The following SEMA5A variants were observed in gnomAD, a reference collection of about 807,000 sequenced individuals.
The protein encoded by SEMA5A is semaphorin-5A.
Under a neutral mutation model 135.5 loss-of-function variants are expected in SEMA5A, and 55 were observed. That is an observed-to-expected ratio of 0.41 (90% confidence interval 0.33 to 0.51). The LOEUF is 0.51. Ranked by LOEUF, SEMA5A falls within the 20% of genes least tolerant of loss-of-function variation. SEMA5A has a pLI of 0.37. For synonymous variants in SEMA5A, 580 were observed against 546.5 expected, an observed-to-expected ratio of 1.06 and a Z score of -0.85; for missense variants, 1,290 against 1,419.9, an observed-to-expected ratio of 0.91 and a Z score of 1.47.
intron 8 of SEMA5A, among the ~76,000 whole-genome samples, chr5:9,207,134 A>ATATATATATATG (rs1491507145): frequency 7.2e-6 from 1 of 139,704 alleles, no homozygotes; most frequent in Non-Finnish European, 1.6e-5. Context: ...ATATATATAT[A>ATATATATATATG]AAGCTTAAAG....
intron 1 of SEMA5A, among the ~76,000 whole-genome samples, chr5:9,443,796 C>T (rs573222411): frequency 1.2e-4 from 18 of 152,384 alleles, no homozygotes; most frequent in Admixed American, 2.6e-4. Flanking sequence ...ACTGGCAGAA[C>T]GTCTGCTGCC....
At position 9,054,251 on chromosome 5, in the gene SEMA5A, C is replaced by T; in HGVS notation, c.2525G>A (p.Gly842Asp). ...CCAGGGGGACCAGCAAGACCACACGCCATCCACTGTGAAGAAACACAATGT... is the reference window on the plus strand; with the variant it reads ...CCAGGGGGACCAGCAAGACCACACGTCATCCACTGTGAAGAAACACAATGT... ...ECNILPCPVDGVWSCWSPWTK... is the reference protein window; with the variant it reads ...ECNILPCPVDDVWSCWSPWTK... The change falls in exon 19 of 23, where the codon GGC (glycine) becomes GAC (aspartate). Residue 842 changes from glycine (G) to aspartate (D), a missense_variant. This residue lies in a region of SEMA5A where 1,029 missense variants were observed against 1,086.6 expected (regional missense o/e 0.95). Transcript: ENST00000382496. The T allele has an allele frequency of 6.2e-7, 1 of 1,612,520 alleles. No homozygotes were observed. The highest frequency in any genetic ancestry group is 1.1e-5 in the South Asian group (1 of 90,782).
intron 2 of SEMA5A, among the ~76,000 whole-genome samples, chr5:9,403,872 T>C (rs1158651223): frequency 6.6e-6 from 1 of 152,186 alleles, no homozygotes; most frequent in Non-Finnish European, 1.5e-5. Context: ...ATATAGAGTG[T>C]TTACATCCAA....
intron 1 of SEMA5A, among the ~76,000 whole-genome samples, chr5:9,525,407 C>G (rs1020466740): frequency 6.6e-6 from 1 of 152,176 alleles, no homozygotes; most frequent in Non-Finnish European, 1.5e-5. Context: ...CTAGTGTGTC[C>G]ATCTGAGACT....
intron 2 of SEMA5A, among the ~76,000 whole-genome samples, chr5:9,427,648 T>A (rs942949904): frequency 6.6e-6 from 1 of 152,196 alleles, no homozygotes; most frequent in African/African-American, 2.4e-5. Context: ...GGCACAGTTA[T>A]AGCTTCAGGG....
chr5:9,194,469 T>A (rs1327435038), intron 10 of SEMA5A, among the ~76,000 whole-genome samples: 1 of 152,160 alleles, frequency 6.6e-6, no homozygotes, highest in Admixed American at 6.5e-5. Flanking sequence ...CACTTTCCAT[T>A]GTTGGTTATT....
intron 11 of SEMA5A, among the ~76,000 whole-genome samples, chr5:9,171,175 C>T (rs1486343958): frequency 6.6e-6 from 1 of 151,998 alleles, no homozygotes; most frequent in Non-Finnish European, 1.5e-5. Context: ...CAATTCTGTC[C>T]TTTTTTTTCT....
chr5:9,542,338 T>C (rs1344064783), intron 1 of SEMA5A, among the ~76,000 whole-genome samples: 2 of 152,220 alleles, frequency 1.3e-5, no homozygotes, highest in Admixed American at 1.3e-4. Context: ...TGCATCTCAA[T>C]TTTAAAAGGT....
intron 5 of SEMA5A, among the ~76,000 whole-genome samples, chr5:9,305,707 C>CATATATATATATATATATATAT (rs1561128483): frequency 3.5e-4 from 15 of 42,852 alleles, no homozygotes; most frequent in African/African-American, 7.7e-4. Context: ...TGTGTGTGTG[C>CATATATATATATATATATATAT]GTATATATAT....
intron 1 of SEMA5A, among the ~76,000 whole-genome samples, chr5:9,514,156 T>G (rs1167923001): frequency 6.6e-6 from 1 of 152,096 alleles, no homozygotes; most frequent in Non-Finnish European, 1.5e-5. Context: ...CATCTCCAAT[T>G]CTCTCTCTGC....
rs1242461136 is a variant in SEMA5A, at chr5:9,226,892, T to C, written c.409A>G (p.Thr137Ala). The change falls in exon 7 of 23, where the codon ACG (threonine) becomes GCG (alanine). Residue 137 changes from threonine (T) to alanine (A), a missense_variant. Physicochemically the swap from Thr to Ala is moderately conservative, Grantham distance 58. This residue lies in a region of SEMA5A where 145 missense variants were observed against 212.0 expected (regional missense o/e 0.68). Coordinates refer to ENST00000382496, the MANE Select transcript of SEMA5A (RefSeq NM_003966.3). ...ACCGAGCGGTTGGTGCAGACAGGCG[T>C]GAATGCATTGGTCCCACAGGTGAAT... ...RLFTCGTNAF[T>A]PVCTNRSLSN... 6.3e-7 allele frequency: 1 copy of C among 1,599,282 alleles called. No individual in the cohort carries two copies. Among genetic ancestry groups the C allele is most frequent in the Non-Finnish European group, 8.5e-7 (1 of 1,171,702 alleles).
intron 8 of SEMA5A, among the ~76,000 whole-genome samples, chr5:9,217,059 G>T (rs1466663952): frequency 6.6e-6 from 1 of 152,084 alleles, no homozygotes; most frequent in Non-Finnish European, 1.5e-5. Context: ...TTGCTTGTGT[G>T]GTTGCTTTAT....
chr5:9,409,573 C>A (rs985977309), intron 2 of SEMA5A, among the ~76,000 whole-genome samples: 1 of 152,178 alleles, frequency 6.6e-6, no homozygotes, highest in Non-Finnish European at 1.5e-5. Context: ...CCTTTACCTG[C>A]GTGTGCTGGA....
Position 9,136,555 on chromosome 5 carries a change from C to T in SEMA5A, c.1548G>A (p.Leu516=). 6.2e-7 allele frequency: 1 copy of T among 1,614,196 alleles called. No homozygotes were observed. Among genetic ancestry groups the T allele is most frequent in the Non-Finnish European group, 8.5e-7 (1 of 1,180,036 alleles). ...ACTGCGTCATGCTCAGGCTCTCCTC[C>T]AGGCTTGTGCATTTCTTCATTACCA... The part of the protein sequence containing the change: ...WDVVMKKCTS[L]EESLSMTQWE... The change falls in exon 13 of 23, where the codon CTG becomes CTA. Residue 516 remains leucine, a synonymous_variant. Transcript: ENST00000382496.
chr5:9,300,874 G>T (rs1481671026), intron 5 of SEMA5A, among the ~76,000 whole-genome samples: 1 of 152,184 alleles, frequency 6.6e-6, no homozygotes, highest in East Asian at 1.9e-4. Flanking sequence ...AAAAGGCGAT[G>T]AAGCTTTCTC....
chr5:9,219,039 T>C (rs865864372), intron 8 of SEMA5A, among the ~76,000 whole-genome samples: 43 of 152,338 alleles, frequency 2.8e-4, no homozygotes, highest in Middle Eastern at 3.4e-3. Flanking sequence ...GGTCAGGTAG[T>C]CAGTGATCTG....
rs117883738 is a variant in SEMA5A at position 9,374,069 on chromosome 5, A to G, written c.124+5754T>C. 3.9e-4 allele frequency among the ~76,000 whole-genome samples: 59 copies of G among 152,338 alleles called. 2 individuals are homozygous for G. In the East Asian group the frequency reaches 0.011, roughly 29 times the overall value. Reference sequence around the variant, plus strand: ...TGGAATAGACATTTAAACAAATGACAAGGACATATGTGTGAACGGTGCATC... The same window carrying G: ...TGGAATAGACATTTAAACAAATGACGAGGACATATGTGTGAACGGTGCATC... On this transcript the variant is annotated intron_variant, in intron 3 of 22. Coordinates refer to ENST00000382496, the MANE Select transcript of SEMA5A (RefSeq NM_003966.3).
intron 1 of SEMA5A, among the ~76,000 whole-genome samples, chr5:9,451,132 C>T (rs751590711): frequency 8.5e-5 from 13 of 152,098 alleles, no homozygotes; most frequent in East Asian, 3.9e-4. Flanking sequence ...AGGCTGTTGT[C>T]GGTTACGCTT....
chr5:9,259,297 G>T (rs1360475359), intron 5 of SEMA5A, among the ~76,000 whole-genome samples: 1 of 152,178 alleles, frequency 6.6e-6, no homozygotes, highest in Non-Finnish European at 1.5e-5. Flanking sequence ...ATGTTCACTT[G>T]AAATTATTCT....
Sources: allele counts gnomAD v4.1 joint callset (sites outside exome capture counted in the v4.1 genomes callset), GRCh38; gene constraint gnomAD v4.1.1; regional missense constraint gnomAD v4.1.1; transcripts MANE v1.5; gene names NCBI Gene and HGNC (gene_info 2026-07-23, HGNC 2026-07-21).